The following GAS2L3 variants were observed in gnomAD, a reference collection of about 807,000 sequenced individuals.
The protein encoded by GAS2L3 is GAS2-like protein 3.
GAS2L3 carries 28 observed loss-of-function variants against 37.0 expected under a neutral mutation model. The observed-to-expected ratio is 0.76, with a 90% CI of 0.56 to 1.04. The LOEUF (loss-of-function observed/expected upper bound fraction) is 1.04. Among genes scored for constraint, GAS2L3 ranks in the 50% least tolerant of loss-of-function variants. GAS2L3 has a pLI of 0.00. For missense variants in GAS2L3, 793 were observed against 817.6 expected (o/e 0.97, Z 0.37); for synonymous variants, 290 against 296.6 (o/e 0.98, Z 0.23).
intron 5 of GAS2L3, among the ~76,000 whole-genome samples, chr12:100,609,813 T>G (rs929634638): frequency 7.2e-5 from 11 of 152,186 alleles, no homozygotes; most frequent in African/African-American, 1.2e-4. Flanking sequence ...TGGTTCTGCC[T>G]TCTGCTGAAC....
rs150564123 is a variant in GAS2L3, at chr12:100,605,720, A to G, written c.303+3967A>G. On this transcript the variant is annotated intron_variant, in intron 5 of 9. Transcript: ENST00000547754. The stretch of plus-strand genomic sequence containing the variant: ...ATTATTTTTTTCAAGAAATTTTTCA[A>G]TTTTCTTCTTAATTTCCTCATTGAC... 3.6e-3 allele frequency among the ~76,000 whole-genome samples: 543 copies of G among 151,202 alleles called. 1 individual carries two copies. Among genetic ancestry groups the G allele is most frequent in the African/African-American group, 0.012 (503 of 41,312 alleles).
chr12:100,623,508 A>C (rs1293874616), intron 9 of GAS2L3, 54 bp from the exon 10 acceptor site: 27 of 1,489,364 alleles, frequency 1.8e-5, no homozygotes, highest in Non-Finnish European at 2.3e-5. Context: ...AATGAATTGT[A>C]ACTATAAACC....
At chr12:100,618,654 G>A in intron 8 of GAS2L3, 67 bp downstream of exon 8, 1 of 1,395,394 alleles carries the variant, frequency 7.2e-7, no homozygotes, top group South Asian at 1.4e-5. Flanking sequence ...AGCACTTCTA[G>A]TGTGCTACAG....
At chr12:100,618,408 CA>C (rs1238309181) in intron 7 of GAS2L3, 40 bp from the exon 8 acceptor site, 1 of 1,571,532 alleles carries the variant, frequency 6.4e-7, no homozygotes, top group Non-Finnish European at 8.6e-7. Flanking sequence ...AGTACTGGGT[CA>C]ACTTTGCTTG....
chr12:100,609,302 C>T (rs11110436), intron 5 of GAS2L3, among the ~76,000 whole-genome samples: 41,151 of 152,126 alleles, frequency 0.27, 5,918 homozygotes, highest in African/African-American at 0.35. Context: ...GTCTCAGAGC[C>T]CAACACCCAT....
At chr12:100,599,667 C>T (rs1955959850) in intron 3 of GAS2L3, among the ~76,000 whole-genome samples, 1 of 141,982 alleles carries the variant, frequency 7.0e-6, no homozygotes, top group East Asian at 2.5e-4. Flanking sequence ...TTCATTTATT[C>T]ATTCATTCAA....
intron 9 of GAS2L3, among the ~76,000 whole-genome samples, chr12:100,622,749 TAAAAA>T: frequency 5.6e-3 from 149 of 26,806 alleles, no homozygotes; most frequent in Non-Finnish European, 6.0e-3. Flanking sequence ...GTATCCATAG[TAAAAA>T]AAAAAAAAAA....
Position 100,596,225 on chromosome 12 carries a change from A to T in GAS2L3, c.18+1303A>T, listed in dbSNP as rs534722588. ...ATGCTTAGAACTCTGTTATTACTCA[A>T]AATCATTTTTGACCTGATTACTTCT... On this transcript the variant is annotated intron_variant, in intron 3 of 9. Transcript: ENST00000547754. Among the ~76,000 whole-genome samples, 11 of 152,088 alleles carry T rather than the reference A, an allele frequency of 7.2e-5. No homozygotes were observed. The East Asian group carries it at 1.7e-3, about 24-fold the overall frequency.
chr12:100,586,473 G>C (rs1208803689), intron 1 of GAS2L3, among the ~76,000 whole-genome samples: 1 of 152,186 alleles, frequency 6.6e-6, no homozygotes, highest in Non-Finnish European at 1.5e-5. Context: ...GCCTGCTCCT[G>C]AATGAGCATT....
intron 6 of GAS2L3, 59 bp downstream of exon 6, chr12:100,612,200 T>C: frequency 7.1e-7 from 1 of 1,398,604 alleles, no homozygotes; most frequent in South Asian, 1.2e-5. Flanking sequence ...TTAATATCCT[T>C]CACCTCTAAT....
intron 3 of GAS2L3, among the ~76,000 whole-genome samples, chr12:100,597,673 C>A (rs1955930879): frequency 6.6e-6 from 1 of 151,296 alleles, no homozygotes; most frequent in African/African-American, 2.4e-5. Context: ...CTGCATGCTT[C>A]TTGAGTGTAT....
Position 100,618,556 on chromosome 12 carries a change from C to T in GAS2L3, c.617C>T (p.Ser206Leu). 6.2e-7 allele frequency: 1 copy of T among 1,612,024 alleles called. No individual in the cohort carries two copies. The highest frequency in any genetic ancestry group is 1.3e-5 in the African/African-American group (1 of 74,900). Residue 206 changes from serine (S) to leucine (L), a missense_variant, in exon 8 of 10, where the codon TCA becomes TTA. Transcript: ENST00000547754. ...GAAGATTCCATCAGCATTCCAAAATCATGCTGTCGGCATGAAGAGCTACAT... is the reference window on the plus strand; with the variant it reads ...GAAGATTCCATCAGCATTCCAAAATTATGCTGTCGGCATGAAGAGCTACAT... ...GPEDSISIPK[S>L]CCRHEELHEA...
In GAS2L3 at chr12:100,622,373, C is replaced by A; in HGVS notation, c.747C>A (p.Leu249=). The A allele has an allele frequency of 6.7e-7, 1 of 1,484,938 alleles. No homozygotes were observed. Among genetic ancestry groups the A allele is most frequent in the South Asian group, 1.2e-5 (1 of 86,104 alleles). 92.0% of individuals were successfully genotyped at this position (1,484,938 alleles called of 1,614,324 possible). Residue 249 remains leucine, a synonymous_variant, in exon 9 of 10, where the codon CTC becomes CTA. Coordinates refer to ENST00000547754, the MANE Select transcript of GAS2L3 (RefSeq NM_174942.3). ...EGRYRLGDKI[L]FIRMLHGKHV... ...GGTACCGACTAGGGGATAAAATACT[C>A]TTTATAAGAGTAAGTCCATTATTTA...
At position 100,625,110 on chromosome 12, in the gene GAS2L3, T is replaced by TGTAAAGGGCTTTGTCAA. The variant is rs1956319273; in HGVS notation, c.*220_*221insGTAAAGGGCTTTGTCAA. On this transcript the variant is annotated 3_prime_UTR_variant, in exon 10 of 10. Transcript: ENST00000547754. ...AGTTGTAAAATCACTGCAAGGTTTT[T>TGTAAAGGGCTTTGTCAA]ATTAATAATAGACATGTATATGATT... The TGTAAAGGGCTTTGTCAA allele has an allele frequency of 2.4e-6, 1 of 417,512 alleles. No homozygotes were observed. The highest frequency in any genetic ancestry group is 2.0e-5 in the African/African-American group (1 of 50,414). 25.9% of individuals were successfully genotyped at this position (417,512 alleles called of 1,614,324 possible).
At chr12:100,585,254 T>G (rs1955765758) in intron 1 of GAS2L3, among the ~76,000 whole-genome samples, 2 of 151,074 alleles carry the variant, frequency 1.3e-5, no homozygotes, top group African/African-American at 4.9e-5. Flanking sequence ...GCACTCTTTT[T>G]TTTTCTTCCC....
At chr12:100,621,978 C>G (rs977127130) in intron 8 of GAS2L3, among the ~76,000 whole-genome samples, 2 of 151,336 alleles carry the variant, frequency 1.3e-5, no homozygotes, top group East Asian at 3.9e-4. Context: ...GGATCTGAAA[C>G]CTGGCTCTGC....
At chr12:100,610,987 CT>C (rs200233669) in intron 5 of GAS2L3, 576 of 132,292 alleles carry the variant, frequency 4.4e-3, no homozygotes, top group Admixed American at 5.4e-3. Context: ...GTCTGTGATT[CT>C]TTTTTTTTTT....
At position 100,576,009 on chromosome 12, in the gene GAS2L3, G is replaced by A. The variant is rs1955631919; in HGVS notation, c.-152+2224G>A. 2.0e-5 allele frequency among the ~76,000 whole-genome samples: 3 copies of A among 152,208 alleles called. No individual in the cohort carries two copies. The South Asian group carries it at 6.2e-4, about 32-fold the overall frequency. Reference sequence around the variant, plus strand: ...TTTAAAATAATGAGAAATAACTTGTGATGGTAAATCAAAATTTGTGATAAA... The same window carrying A: ...TTTAAAATAATGAGAAATAACTTGTAATGGTAAATCAAAATTTGTGATAAA... On this transcript the variant is annotated intron_variant, in intron 1 of 9. Transcript: ENST00000547754.
intron 1 of GAS2L3, among the ~76,000 whole-genome samples, chr12:100,588,722 G>A (rs987820311): frequency 1.3e-5 from 2 of 152,102 alleles, no homozygotes; most frequent in African/African-American, 4.8e-5. Context: ...GACATTCCCA[G>A]AGCAGCCATT....
Sources: gnomAD v4.1 joint callset for allele counts (sites outside exome capture counted in the v4.1 genomes callset) on GRCh38, gnomAD v4.1.1 for gene constraint, MANE v1.5 for transcripts, NCBI Gene and HGNC (gene_info 2026-07-23, HGNC 2026-07-21) for gene names.